Variants in TCF4 observed in about 807,000 individuals in gnomAD.
TCF4 encodes transcription factor 4, also known as SL3-3 enhancer factor 2.
In TCF4, 3 loss-of-function variants were observed where a neutral mutation model predicts 82.1. The observed-to-expected ratio is 0.04, with a 90% CI of 0.02 to 0.09. TCF4 has a LOEUF of 0.09. TCF4 is among the 10% of genes least tolerant of loss of function. The pLI, the probability that TCF4 is intolerant of heterozygous loss-of-function variation, is 1.00. For synonymous variants in TCF4, 276 were observed against 309.6 expected, an observed-to-expected ratio of 0.89 and a Z score of 1.14; for missense variants, 518 against 852.7, an observed-to-expected ratio of 0.61 and a Z score of 4.89.
At chr18:55,480,276 CAAAAAAA>C (rs74180500) in intron 3 of TCF4, among the ~76,000 whole-genome samples, 2 of 27,700 alleles carry the variant, frequency 7.2e-5, no homozygotes, top group Middle Eastern at 0.038. Flanking sequence ...GTAGGAACTC[CAAAAAAA>C]AAAAAAAAAA....
chr18:55,405,304 G>A (rs2958165), intron 5 of TCF4, among the ~76,000 whole-genome samples: 38,460 of 152,048 alleles, frequency 0.25, 5,127 homozygotes, highest in East Asian at 0.48. Context: ...TTACTTTGAT[G>A]TAATATTCAC....
At chr18:55,517,932 T>C (rs2096898875) in intron 3 of TCF4, among the ~76,000 whole-genome samples, 1 of 152,164 alleles carries the variant, frequency 6.6e-6, no homozygotes, top group Non-Finnish European at 1.5e-5. Flanking sequence ...GACCAAGAAA[T>C]TGAAAGTAAC....
intron 15 of TCF4, among the ~76,000 whole-genome samples, chr18:55,251,253 A>G (rs1415708905): frequency 6.6e-6 from 1 of 152,178 alleles, no homozygotes; most frequent in East Asian, 1.9e-4. Flanking sequence ...AGCATAGCTC[A>G]ATAATATCAT....
intron 3 of TCF4, among the ~76,000 whole-genome samples, chr18:55,522,172 T>C (rs2096938527): frequency 6.6e-6 from 1 of 152,178 alleles, no homozygotes; most frequent in Non-Finnish European, 1.5e-5. Context: ...AAGTTCTTCC[T>C]CCTCTAGCCT....
Position 55,232,680 on chromosome 18 carries a change from A to G in TCF4, c.1487-9T>C. Reference sequence around the variant, plus strand: ...TAGTCCTGGTGGCATGCCTGCCGAAAAAGAGAAATCAGGTGACATGTACAC... The same window carrying G: ...TAGTCCTGGTGGCATGCCTGCCGAAGAAGAGAAATCAGGTGACATGTACAC... On this transcript the variant is annotated splice_polypyrimidine_tract_variant and intron_variant, in intron 16 of 19. Coordinates refer to ENST00000354452, the MANE Select transcript of TCF4 (RefSeq NM_001083962.2). 6.2e-7 allele frequency: 1 copy of G among 1,614,140 alleles called. No individual in the cohort carries two copies. Among genetic ancestry groups the G allele is most frequent in the East Asian group, 2.2e-5 (1 of 44,876 alleles).
At chr18:55,445,887 C>T (rs2095516424) in intron 5 of TCF4, among the ~76,000 whole-genome samples, 1 of 152,146 alleles carries the variant, frequency 6.6e-6, no homozygotes, top group South Asian at 2.1e-4. Context: ...TCATGTTGAT[C>T]CATACAATAG....
chr18:55,281,433 T>A (rs570515625), intron 8 of TCF4, among the ~76,000 whole-genome samples: 2 of 152,134 alleles, frequency 1.3e-5, no homozygotes, highest in Non-Finnish European at 2.9e-5. Flanking sequence ...CTATAATATA[T>A]CTACACGCTA....
chr18:55,588,156 C>CCCGCCGCCG lies in TCF4; in HGVS notation c.-148_-140dup, dbSNP rs886053961. On this transcript the variant is annotated 5_prime_UTR_variant, in exon 1 of 20. Coordinates refer to ENST00000354452, the MANE Select transcript of TCF4 (RefSeq NM_001083962.2). ...CGCCCGCTCCCGCGCCTGCTGCCTC[C>CCCGCCGCCG]CCGCCGCCGCCGCCGCCGCCGCCAC... The CCCGCCGCCG allele has an allele frequency of 5.6e-4, 607 of 1,093,008 alleles. 3 individuals are homozygous for CCCGCCGCCG. The highest frequency in any genetic ancestry group is 1.2e-3 in the Middle Eastern group (3 of 2,448). 67.7% of individuals were successfully genotyped at this position (1,093,008 alleles called of 1,614,324 possible).
chr18:55,586,135 A>AAGGAGGAGAAGG lies in TCF4; in HGVS notation c.73-784_73-783insCCTTCTCCTCCT. On this transcript the variant is annotated intron_variant, in intron 2 of 19. Transcript: ENST00000354452. The stretch of plus-strand genomic sequence containing the variant: ...TCTAGAAGAGGAGGAGGAGGAGGAG[A>AAGGAGGAGAAGG]AGGAGGAGGAGGAGGAGGAGCAGCA... 5.4e-6 allele frequency: 7 copies of AAGGAGGAGAAGG among 1,297,774 alleles called. 1 individual carries two copies. Among genetic ancestry groups the AAGGAGGAGAAGG allele is most frequent in the Non-Finnish European group, 7.2e-6 (7 of 978,248 alleles). The allele number at this position is 1,297,774 out of a possible 1,614,324, so 80.4% of individuals were successfully genotyped here.
At chr18:55,573,130 A>G (rs530479940) in intron 3 of TCF4, among the ~76,000 whole-genome samples, 10 of 152,230 alleles carry the variant, frequency 6.6e-5, no homozygotes, top group African/African-American at 2.4e-4. Context: ...GCAGAATTGC[A>G]AACTCAATCT....
At chr18:55,435,957 G>A (rs1017059323) in intron 5 of TCF4, among the ~76,000 whole-genome samples, 8 of 152,182 alleles carry the variant, frequency 5.3e-5, no homozygotes, top group Non-Finnish European at 1.2e-4. Context: ...AGCTGTGCAA[G>A]TATGTGACAC....
chr18:55,393,182 C>T (rs561743660), intron 6 of TCF4, among the ~76,000 whole-genome samples: 32 of 152,162 alleles, frequency 2.1e-4, no homozygotes, highest in Admixed American at 5.2e-4. Context: ...TGGACAACAA[C>T]GTGAGACCCT....
intron 3 of TCF4, among the ~76,000 whole-genome samples, chr18:55,509,077 C>G (rs938567870): frequency 1.3e-5 from 2 of 152,028 alleles, no homozygotes; most frequent in East Asian, 3.8e-4. Context: ...CTTCAATAAT[C>G]CACACTAAAA....
intron 5 of TCF4, among the ~76,000 whole-genome samples, chr18:55,412,346 G>C (rs1246197699): frequency 1.4e-5 from 2 of 146,716 alleles, no homozygotes; most frequent in Non-Finnish European, 3.0e-5. Flanking sequence ...AATAATGAAG[G>C]CTGTTTTTTT....
intron 3 of TCF4, among the ~76,000 whole-genome samples, chr18:55,574,906 C>A (rs41396445): frequency 0.29 from 43,758 of 152,032 alleles, 7,360 homozygotes; most frequent in Middle Eastern, 0.43. Flanking sequence ...CAGTGAAACA[C>A]ACTCACACTG....
chr18:55,569,919 A>G (rs1311139060), intron 3 of TCF4, among the ~76,000 whole-genome samples: 1 of 152,212 alleles, frequency 6.6e-6, no homozygotes, highest in East Asian at 1.9e-4. Flanking sequence ...ATTCACGTAG[A>G]AGAACTCAGG....
chr18:55,453,770 CT>C (rs1388635269), intron 5 of TCF4, among the ~76,000 whole-genome samples: 14 of 151,326 alleles, frequency 9.3e-5, no homozygotes, highest in African/African-American at 1.5e-4. Context: ...AGAAACGCAA[CT>C]TTTTTCAATG....
chr18:55,400,992 G>C, intron 6 of TCF4: 1 of 1,289,090 alleles, frequency 7.8e-7, no homozygotes, highest in Non-Finnish European at 1.0e-6. Flanking sequence ...CCCTCCACGA[G>C]TCACTCACCT....
intron 3 of TCF4, among the ~76,000 whole-genome samples, chr18:55,504,686 C>T (rs1280455769): frequency 1.3e-5 from 2 of 152,212 alleles, no homozygotes; most frequent in Non-Finnish European, 2.9e-5. Context: ...ATAACATTCT[C>T]GCTCATGCAT....
Sources: gnomAD v4.1 joint callset for allele counts (sites outside exome capture counted in the v4.1 genomes callset) on GRCh38, gnomAD v4.1.1 for gene constraint, MANE v1.5 for transcripts, NCBI Gene and HGNC (gene_info 2026-07-23, HGNC 2026-07-21) for gene names.